Variants in SLF1 observed in about 807,000 individuals in gnomAD.
SLF1 encodes SMC5-SMC6 complex localization factor protein 1.
A neutral mutation model predicts 123.0 loss-of-function variants in SLF1; 105 were observed. The ratio of observed to expected loss-of-function variants is 0.85; its 90% CI spans 0.73 to 1.00. The LOEUF (loss-of-function observed/expected upper bound fraction) is 1.00, where lower values mean the gene tolerates loss of function less well. Among genes scored for constraint, SLF1 ranks in the 50% least tolerant of loss-of-function variants. SLF1 has a pLI of 0.00. For missense variants in SLF1, 1,239 were observed against 1,223.0 expected (o/e 1.01, Z -0.20); for synonymous variants, 434 against 406.6 (o/e 1.07, Z -0.81).
intron 5 of SLF1, among the ~76,000 whole-genome samples, chr5:94,644,402 A>G (rs1357612446): frequency 6.6e-6 from 1 of 152,140 alleles, no homozygotes; most frequent in Non-Finnish European, 1.5e-5. Context: ...GTGGCTTCCC[A>G]TTGCTCTTAG....
intron 4 of SLF1, among the ~76,000 whole-genome samples, chr5:94,642,689 TTTGTG>T (rs1746579133): frequency 6.6e-6 from 1 of 152,188 alleles, no homozygotes; most frequent in African/African-American, 2.4e-5. Flanking sequence ...TCATGAAACT[TTTGTG>T]TTGTATGTCT....
At chr5:94,678,384 CATAAAG>C (rs1340097631) in intron 14 of SLF1, 1 of 152,480 alleles carries the variant, frequency 6.6e-6, no homozygotes, top group Admixed American at 6.5e-5. Context: ...TGGAAAATGT[CATAAAG>C]AGAAATGTAA....
In SLF1 at chr5:94,630,544, A is replaced by G. The variant is rs563558004; in HGVS notation, c.232A>G (p.Lys78Glu). Reference protein sequence around the residue: ...LTKDYIIHSAKSGRWLDETTY... With the variant: ...LTKDYIIHSAESGRWLDETTY... ...CAAGGACTATATAATTCATAGTGCC[A>G]AAAGTGGCAGATGGCTTGATGAAAC... Residue 78 changes from lysine (K) to glutamate (E), a missense_variant, in exon 4 of 21, where the codon AAA becomes GAA. Lys to Glu is a moderately conservative substitution (Grantham distance 56). Transcript: ENST00000265140. 25 of 1,551,510 alleles carry G rather than the reference A, an allele frequency of 1.6e-5. No individual in the cohort carries two copies. Among genetic ancestry groups the G allele is most frequent in the Non-Finnish European group, 2.2e-5 (25 of 1,146,906 alleles).
At chr5:94,673,500 C>T (rs1271974057) in intron 14 of SLF1, among the ~76,000 whole-genome samples, 9 of 151,822 alleles carry the variant, frequency 5.9e-5, no homozygotes, top group East Asian at 1.9e-4. Context: ...CATAGTGAGA[C>T]CCCCATCTCT....
chr5:94,639,562 C>T (rs1012226894), intron 4 of SLF1, among the ~76,000 whole-genome samples: 1 of 152,046 alleles, frequency 6.6e-6, no homozygotes, highest in Non-Finnish European at 1.5e-5. Flanking sequence ...GACAGTTGAA[C>T]AATGTGGGAT....
At chr5:94,660,801 T>C (rs1317308947) in intron 9 of SLF1, among the ~76,000 whole-genome samples, 1 of 152,222 alleles carries the variant, frequency 6.6e-6, no homozygotes, top group Non-Finnish European at 1.5e-5. Context: ...ACAGGGTTTC[T>C]GCCAGTGACA....
chr5:94,619,696 T>G (rs1791493964), intron 1 of SLF1, among the ~76,000 whole-genome samples: 1 of 152,174 alleles, frequency 6.6e-6, no homozygotes, highest in African/African-American at 2.4e-5. Flanking sequence ...CTTGTGGACT[T>G]TTTGGTTTAT....
chr5:94,629,960 C>T (rs373079189), intron 3 of SLF1, among the ~76,000 whole-genome samples: 10 of 151,444 alleles, frequency 6.6e-5, no homozygotes, highest in East Asian at 3.9e-4. Context: ...GCCTGGGCAA[C>T]GTAGCGAGAT....
At position 94,697,071 on chromosome 5, in the gene SLF1, G is replaced by A. The variant is rs750321531; in HGVS notation, c.*1759G>A. On this transcript the variant is annotated 3_prime_UTR_variant, in exon 21 of 21. Transcript: ENST00000265140. Reference sequence around the variant, plus strand: ...GTTTTCCAAATTAGATGTTCATAACGTATATTTGTTTAATTGCAATTAGCA... The same window carrying A: ...GTTTTCCAAATTAGATGTTCATAACATATATTTGTTTAATTGCAATTAGCA... The A allele has an allele frequency of 1.3e-5, 2 of 151,752 alleles. No homozygotes were observed. The highest frequency in any genetic ancestry group is 2.9e-5 in the Non-Finnish European group (2 of 67,860). The allele number at this position is 151,752 out of a possible 1,614,324, so 9.4% of individuals were successfully genotyped here. A position where few individuals can be genotyped will look rare whatever the true frequency, so the allele number is the denominator to read the frequency against.
At position 94,641,119 on chromosome 5, in the gene SLF1, G is replaced by A. The variant is rs73140279; in HGVS notation, c.432-2154G>A. On this transcript the variant is annotated intron_variant, in intron 4 of 20. Transcript: ENST00000265140. ...ACCTCTTCTGTAAGGTGGTTAGTATGGGTGATTGAGTTAATCTTGTCAGTT... is the reference window on the plus strand; with the variant it reads ...ACCTCTTCTGTAAGGTGGTTAGTATAGGTGATTGAGTTAATCTTGTCAGTT... 3.0e-3 allele frequency among the ~76,000 whole-genome samples: 452 copies of A among 152,252 alleles called. 2 individuals carry two copies. The highest frequency in any genetic ancestry group is 0.01 in the African/African-American group (432 of 41,554).
At chr5:94,692,361 C>A in intron 20 of SLF1, 105 bp downstream of exon 20, 2 of 1,120,478 alleles carry the variant, frequency 1.8e-6, no homozygotes, top group Non-Finnish European at 1.2e-6. Context: ...AGGAAAGATG[C>A]CTTTATTTCA....
chr5:94,632,513 G>C (rs1012731371), intron 4 of SLF1, among the ~76,000 whole-genome samples: 1 of 151,912 alleles, frequency 6.6e-6, no homozygotes, highest in African/African-American at 2.4e-5. Context: ...TGTATTCTCC[G>C]CTTGTTCTTT....
At chr5:94,683,348 T>C (rs1291929732) in intron 15 of SLF1, among the ~76,000 whole-genome samples, 2 of 152,356 alleles carry the variant, frequency 1.3e-5, no homozygotes, top group East Asian at 3.9e-4. Context: ...TACCAGGCAT[T>C]GAGCTAAACA....
chr5:94,688,293 T>G (rs1936736603), intron 16 of SLF1, among the ~76,000 whole-genome samples: 1 of 152,162 alleles, frequency 6.6e-6, no homozygotes, highest in African/African-American at 2.4e-5. Flanking sequence ...TAATTATTTT[T>G]AAGAAGGTGT....
At chr5:94,650,566 A>G (rs916031304) in intron 6 of SLF1, among the ~76,000 whole-genome samples, 2 of 152,094 alleles carry the variant, frequency 1.3e-5, no homozygotes, top group African/African-American at 4.8e-5. Flanking sequence ...GGGTTTCACC[A>G]TGTTAACCAG....
intron 9 of SLF1, among the ~76,000 whole-genome samples, chr5:94,656,988 T>C (rs1748470199): frequency 6.7e-6 from 1 of 149,294 alleles, no homozygotes; most frequent in African/African-American, 2.4e-5. Context: ...CTGCTCTTTA[T>C]TATTTATTTA....
chr5:94,643,881 A>G lies in SLF1; in HGVS notation c.594+446A>G, dbSNP rs1746717620. On this transcript the variant is annotated intron_variant, in intron 5 of 20. Transcript: ENST00000265140. ...CCCTAGAAGAAACTGTCCAGGAGAT[A>G]AGCAAAGAAGAATTTTAAGAGCACT... 2.0e-5 allele frequency among the ~76,000 whole-genome samples: 3 copies of G among 152,128 alleles called. No homozygotes were observed. The South Asian group carries it at 6.2e-4, about 31-fold the overall frequency.
At chr5:94,633,676 A>C (rs930619372) in intron 4 of SLF1, among the ~76,000 whole-genome samples, 1 of 149,532 alleles carries the variant, frequency 6.7e-6, no homozygotes, top group African/African-American at 2.4e-5. Context: ...CGAAGATACT[A>C]GAAGATCTCG....
intron 16 of SLF1, 37 bp from the exon 17 acceptor site, chr5:94,688,469 G>T (rs1487842357): frequency 6.3e-7 from 1 of 1,586,158 alleles, no homozygotes; most frequent in South Asian, 1.1e-5. Flanking sequence ...TGCTGTTTTT[G>T]TAGTTGAGAA....
Sources: allele counts gnomAD v4.1 joint callset (sites outside exome capture counted in the v4.1 genomes callset), GRCh38; gene constraint gnomAD v4.1.1; transcripts MANE v1.5; gene names NCBI Gene and HGNC (gene_info 2026-07-23, HGNC 2026-07-21).